Variants in KLF15 observed in about 807,000 individuals in gnomAD.
The protein encoded by KLF15 is KLF transcription factor 15, also known as Krueppel-like factor 15.
In KLF15, 4 loss-of-function variants were observed where a neutral mutation model predicts 24.6. The ratio of observed to expected loss-of-function variants is 0.16; its 90% confidence interval spans 0.08 to 0.37. The LOEUF is 0.37. Ranked by LOEUF, KLF15 falls within the 10% of genes least tolerant of loss-of-function variation. KLF15 has a pLI of 1.00. For missense variants in KLF15, 496 were observed against 560.6 expected (o/e 0.88, Z 1.16); for synonymous variants, 246 against 236.3 (o/e 1.04, Z -0.37).
the KLF15 span, among the ~76,000 whole-genome samples, chr3:126,301,809 T>C: frequency 1.3e-5 from 2 of 151,926 alleles, no homozygotes; most frequent in South Asian, 4.2e-4. Context: ...GAGACGGGGT[T>C]TCACTATGTT....
the KLF15 span, among the ~76,000 whole-genome samples, chr3:126,307,002 G>A: frequency 6.6e-6 from 1 of 152,082 alleles, no homozygotes; most frequent in Non-Finnish European, 1.5e-5. Flanking sequence ...ACACCCTCAG[G>A]CCCCCCATAC....
At chr3:126,301,052 G>T in the KLF15 span, among the ~76,000 whole-genome samples, 1 of 152,106 alleles carries the variant, frequency 6.6e-6, no homozygotes, top group African/African-American at 2.4e-5. Context: ...CTGGAACATG[G>T]GAAGTTTCAC....
the KLF15 span, among the ~76,000 whole-genome samples, chr3:126,305,121 T>C: frequency 4.6e-5 from 7 of 152,236 alleles, no homozygotes; most frequent in African/African-American, 1.7e-4. Flanking sequence ...TGGCTGGGGC[T>C]TGAGCAACAT....
the KLF15 span, among the ~76,000 whole-genome samples, chr3:126,335,375 C>T: frequency 3.8e-5 from 5 of 131,610 alleles, no homozygotes; most frequent in East Asian, 2.3e-4. Context: ...ATTCAACAAC[C>T]CTTCATGCTA....
the KLF15 span, among the ~76,000 whole-genome samples, chr3:126,311,954 A>G: frequency 6.6e-6 from 1 of 152,140 alleles, no homozygotes; most frequent in Non-Finnish European, 1.5e-5. Flanking sequence ...TTGGATCCAC[A>G]TTTATGCACA....
chr3:126,308,225 G>A, the KLF15 span, among the ~76,000 whole-genome samples: 1 of 152,320 alleles, frequency 6.6e-6, no homozygotes, highest in East Asian at 1.9e-4. Flanking sequence ...AATATCGGTG[G>A]AGGTACCGGT....
chr3:126,351,161 C>G (rs2082579355), intron 2 of KLF15, among the ~76,000 whole-genome samples: 1 of 152,228 alleles, frequency 6.6e-6, no homozygotes, highest in Non-Finnish European at 1.5e-5. Context: ...ACCAGACAGC[C>G]TGGGTTCTGC....
At chr3:126,311,468 C>T in the KLF15 span, among the ~76,000 whole-genome samples, 1 of 152,190 alleles carries the variant, frequency 6.6e-6, no homozygotes, top group Non-Finnish European at 1.5e-5. Context: ...GGTTTCTATC[C>T]TCTCCCATCA....
the KLF15 span, among the ~76,000 whole-genome samples, chr3:126,314,553 C>T: frequency 5.3e-5 from 8 of 152,314 alleles, no homozygotes; most frequent in South Asian, 4.1e-4. Flanking sequence ...ACCAGTAGCT[C>T]CTGCCTCCCA....
chr3:126,348,763 A>T (rs945094746), intron 2 of KLF15, among the ~76,000 whole-genome samples: 6 of 152,222 alleles, frequency 3.9e-5, no homozygotes, highest in Non-Finnish European at 8.8e-5. Context: ...GCTGGATCCC[A>T]CTCAGTAAGG....
At chr3:126,309,948 G>A in the KLF15 span, among the ~76,000 whole-genome samples, 8 of 152,362 alleles carry the variant, frequency 5.3e-5, no homozygotes, top group Admixed American at 3.3e-4. Context: ...CCCTGAGCCC[G>A]TTTGTCCCGC....
At chr3:126,300,132 G>T in the KLF15 span, among the ~76,000 whole-genome samples, 1 of 152,058 alleles carries the variant, frequency 6.6e-6, no homozygotes, top group Non-Finnish European at 1.5e-5. Flanking sequence ...CTGGGGACCC[G>T]GGGACTTCAG....
the KLF15 span, among the ~76,000 whole-genome samples, chr3:126,295,139 CACAT>C: frequency 6.6e-6 from 1 of 152,134 alleles, no homozygotes; most frequent in South Asian, 2.1e-4. Flanking sequence ...CATACATATA[CACAT>C]ACATATATGC....
the KLF15 span, among the ~76,000 whole-genome samples, chr3:126,332,230 C>A: frequency 2.0e-5 from 3 of 146,386 alleles, 1 homozygote; most frequent in East Asian, 2.1e-4. Context: ...ATCTGAGAAC[C>A]AGCAGACTGC....
At chr3:126,339,177 A>G (rs924370378), downstream of KLF15, among the ~76,000 whole-genome samples, 7 of 152,192 alleles carry the variant, frequency 4.6e-5, no homozygotes, top group Admixed American at 3.3e-4. Context: ...TTTGGGGCAC[A>G]GAGCAGGACC....
the KLF15 span, among the ~76,000 whole-genome samples, chr3:126,319,690 A>G: frequency 6.7e-6 from 1 of 150,262 alleles, no homozygotes; most frequent in African/African-American, 2.4e-5. Flanking sequence ...TCACAATTAA[A>G]CCCTCACCTT....
At chr3:126,326,951 T>C in the KLF15 span, among the ~76,000 whole-genome samples, 105,727 of 151,948 alleles carry the variant, frequency 0.7, 37,231 homozygotes, top group African/African-American at 0.81. Flanking sequence ...GCAAACATTC[T>C]TGAATACCCC....
At chr3:126,333,390 T>C in the KLF15 span, among the ~76,000 whole-genome samples, 6 of 148,780 alleles carry the variant, frequency 4.0e-5, no homozygotes, top group Admixed American at 2.0e-4. Flanking sequence ...TTGTCACCAC[T>C]AGGCCTGCCC....
At chr3:126,316,344 GGAAGGGAGTGCACAGGCCGGAGTGGA>G in the KLF15 span, among the ~76,000 whole-genome samples, 23 of 150,358 alleles carry the variant, frequency 1.5e-4, no homozygotes, top group African/African-American at 5.4e-4. Context: ...TCCAGAGTGG[GGAAGGGAGTGCACAGGCCGGAGTGGA>G]GAAGGGAGTC....
Sources: gnomAD v4.1 joint callset for allele counts (sites outside exome capture counted in the v4.1 genomes callset) on GRCh38, gnomAD v4.1.1 for gene constraint, MANE v1.5 for transcripts, NCBI Gene and HGNC (gene_info 2026-07-23, HGNC 2026-07-21) for gene names.